Variants in SLC25A26 observed in about 807,000 individuals in gnomAD.
The protein encoded by SLC25A26 is solute carrier family 25 member 26, also known as mitochondrial S-adenosylmethionine carrier protein.
In SLC25A26, 36 loss-of-function variants were observed where a neutral mutation model predicts 37.8. That is an observed-to-expected ratio of 0.95 (90% CI 0.73 to 1.26). The LOEUF is 1.26. Ranked by LOEUF, SLC25A26 falls within the 50% of genes most tolerant of loss-of-function variation. SLC25A26 has a pLI of 0.00. For missense variants in SLC25A26, 390 were observed against 331.1 expected (o/e 1.18, Z -1.38); for synonymous variants, 129 against 122.5 (o/e 1.05, Z -0.35).
chr3:66,270,318 A>G (rs1009555181), intron 5 of SLC25A26, among the ~76,000 whole-genome samples: 2 of 152,216 alleles, frequency 1.3e-5, no homozygotes, highest in Non-Finnish European at 2.9e-5. Flanking sequence ...AAATGATTCA[A>G]AATCTTTCCA....
In SLC25A26 at chr3:66,149,910, A is replaced by G. The variant is rs1014434531; in HGVS notation, c.-354+15926A>G. 3.3e-5 allele frequency among the ~76,000 whole-genome samples: 5 copies of G among 152,184 alleles called. No individual in the cohort carries two copies. The East Asian group carries it at 9.6e-4, about 29-fold the overall frequency. On this transcript the variant is annotated intron_variant, in intron 1 of 10. Transcript: ENST00000676754. The stretch of plus-strand genomic sequence containing the variant: ...CTGTTGAGGAAACTGAGATATGGAC[A>G]GGTTAAGTAATTTATCCAAGGTCAT...
At chr3:66,357,340 G>A (rs1007105734) in intron 6 of SLC25A26, among the ~76,000 whole-genome samples, 2 of 152,224 alleles carry the variant, frequency 1.3e-5, no homozygotes, top group African/African-American at 2.4e-5. Context: ...CTTGAGTGCA[G>A]AAGTTGGAGG....
intron 6 of SLC25A26, among the ~76,000 whole-genome samples, chr3:66,359,880 G>A (rs2076658826): frequency 6.6e-6 from 1 of 152,124 alleles, no homozygotes; most frequent in African/African-American, 2.4e-5. Context: ...TAGCTTATCT[G>A]CTTTCACAAG....
chr3:66,376,083 G>A (rs550437203), intron 9 of SLC25A26, among the ~76,000 whole-genome samples: 2 of 149,930 alleles, frequency 1.3e-5, no homozygotes, highest in East Asian at 3.9e-4. Flanking sequence ...CAAGACCACC[G>A]TAGTCAGAAG....
chr3:66,147,414 C>A lies in SLC25A26; in HGVS notation c.-354+13430C>A, dbSNP rs2070136369. On this transcript the variant is annotated intron_variant, in intron 1 of 10. Coordinates refer to the SLC25A26 transcript ENST00000676754. ...CTGGCTTCGAGTGATCCACTCACCT[C>A]AGCCTCCCAAAGTGCTGGGATTACA... 2.0e-5 allele frequency among the ~76,000 whole-genome samples: 3 copies of A among 151,940 alleles called. No homozygotes were observed. In the South Asian group the frequency reaches 6.2e-4, roughly 32 times the overall value.
intron 1 of SLC25A26, among the ~76,000 whole-genome samples, chr3:66,211,967 CT>C (rs1292290881): frequency 2.6e-5 from 4 of 152,210 alleles, no homozygotes; most frequent in Non-Finnish European, 5.9e-5. Context: ...ACAATCTCCC[CT>C]TATCTGCAGT....
At chr3:66,285,231 C>T (rs891784440) in intron 5 of SLC25A26, among the ~76,000 whole-genome samples, 3 of 151,918 alleles carry the variant, frequency 2.0e-5, no homozygotes, top group Non-Finnish European at 4.4e-5. Flanking sequence ...AAAATACTTT[C>T]AAAGAAAGAT....
intron 1 of SLC25A26, among the ~76,000 whole-genome samples, chr3:66,200,333 C>CGGGT (rs2106811555): frequency 6.6e-6 from 1 of 152,230 alleles, no homozygotes; most frequent in South Asian, 2.1e-4. Context: ...TGGCAGGTGC[C>CGGGT]GGGTGGGGTA....
chr3:66,311,296 G>C (rs112856522), intron 5 of SLC25A26, among the ~76,000 whole-genome samples: 105 of 152,036 alleles, frequency 6.9e-4, no homozygotes, highest in African/African-American at 2.4e-3. Context: ...ATTGATACTT[G>C]TGTATGCTTC....
chr3:66,229,002 T>C (rs2071886163), intron 1 of SLC25A26, among the ~76,000 whole-genome samples: 1 of 152,210 alleles, frequency 6.6e-6, no homozygotes, highest in Admixed American at 6.5e-5. Context: ...TTTTAATATA[T>C]GAATTTGTCA....
At chr3:66,283,918 T>C (rs1054020615) in intron 5 of SLC25A26, among the ~76,000 whole-genome samples, 1 of 152,264 alleles carries the variant, frequency 6.6e-6, no homozygotes, top group South Asian at 2.1e-4. Context: ...GATAATACTT[T>C]ATAAATTTGT....
intron 6 of SLC25A26, chr3:66,356,019 A>G (rs1339195635): frequency 2.2e-6 from 1 of 456,126 alleles, no homozygotes; most frequent in Non-Finnish European, 4.4e-6. Flanking sequence ...GTAAAATATC[A>G]TCATCTTGTA....
At chr3:66,365,592 A>C (rs1021816569) in intron 7 of SLC25A26, among the ~76,000 whole-genome samples, 2 of 152,302 alleles carry the variant, frequency 1.3e-5, no homozygotes, top group Non-Finnish European at 2.9e-5. Flanking sequence ...ACCTCTGTAC[A>C]TTCTCTAGGA....
At chr3:66,330,408 A>C (rs1006866705) in intron 5 of SLC25A26, among the ~76,000 whole-genome samples, 3 of 152,136 alleles carry the variant, frequency 2.0e-5, no homozygotes, top group African/African-American at 7.2e-5. Flanking sequence ...GGATTATTTA[A>C]ATGTTGTATA....
At chr3:66,151,893 T>C (rs1204473035) in intron 1 of SLC25A26, among the ~76,000 whole-genome samples, 1 of 152,258 alleles carries the variant, frequency 6.6e-6, no homozygotes, top group African/African-American at 2.4e-5. Flanking sequence ...CTCTCTTTTT[T>C]TGCTCACTTT....
In SLC25A26 at chr3:66,303,002, T is replaced by C. The variant is rs1180991089; in HGVS notation, c.453+39623T>C. ...GGACCCCCCTTTGCATTCCAGGCTG[T>C]GTAGCAGCATCCCTGGCCTCTACCC... On this transcript the variant is annotated intron_variant, in intron 5 of 9. Transcript: ENST00000354883. Among the ~76,000 whole-genome samples, 7 of 152,134 alleles carry C rather than the reference T, an allele frequency of 4.6e-5. No homozygotes were observed. In the South Asian group the frequency reaches 1.0e-3, roughly 23 times the overall value.
At chr3:66,189,217 AC>A (rs2070889381) in intron 1 of SLC25A26, among the ~76,000 whole-genome samples, 1 of 151,738 alleles carries the variant, frequency 6.6e-6, no homozygotes, top group African/African-American at 2.4e-5. Flanking sequence ...CCTGACCTTA[AC>A]CATCACCCTG....
intron 1 of SLC25A26, among the ~76,000 whole-genome samples, chr3:66,230,301 A>T (rs141556848): frequency 1.3e-5 from 2 of 152,332 alleles, no homozygotes; most frequent in East Asian, 3.9e-4. Context: ...CCAAAAGTGA[A>T]ATATAAACAA....
At chr3:66,335,349 G>A (rs2076070435) in intron 5 of SLC25A26, among the ~76,000 whole-genome samples, 1 of 152,158 alleles carries the variant, frequency 6.6e-6, no homozygotes, top group Non-Finnish European at 1.5e-5. Flanking sequence ...GTGTATCTGT[G>A]CATATTTATC....
Sources: allele counts gnomAD v4.1 joint callset (sites outside exome capture counted in the v4.1 genomes callset), GRCh38; gene constraint gnomAD v4.1.1; transcripts MANE v1.5; gene names NCBI Gene and HGNC (gene_info 2026-07-23, HGNC 2026-07-21).